LMBR1: variants seen among roughly 807,000 people sequenced by gnomAD.
LMBR1 encodes limb development membrane protein 1.
In LMBR1, 52 loss-of-function variants were observed where a neutral mutation model predicts 73.9. The ratio of observed to expected loss-of-function variants is 0.70; its 90% CI spans 0.56 to 0.89. The LOEUF (loss-of-function observed/expected upper bound fraction) is 0.89. LMBR1 is among the 40% of genes least tolerant of loss of function. The pLI is 0.00. For synonymous variants in LMBR1, 215 were observed against 209.4 expected, an observed-to-expected ratio of 1.03 and a Z score of -0.23; for missense variants, 539 against 579.8, an observed-to-expected ratio of 0.93 and a Z score of 0.72.
At chr7:156,709,731 C>T (rs543204322) in intron 15 of LMBR1, among the ~76,000 whole-genome samples, 1 of 152,124 alleles carries the variant, frequency 6.6e-6, no homozygotes, top group African/African-American at 2.4e-5. Context: ...TCCAGACCTT[C>T]CCAATGAACT....
rs571951797 is a variant in LMBR1, at chr7:156,805,481, G to T, written c.320-8989C>A. On this transcript the variant is annotated intron_variant, in intron 4 of 16. Transcript: ENST00000353442. ...TCTGCCTGCCTTGGCCTCCCAAAGC[G>T]CTGGGATTACAGGCATAAGCCACCG... 3.4e-4 allele frequency among the ~76,000 whole-genome samples: 52 copies of T among 152,226 alleles called. 1 individual carries two copies. The South Asian group carries it at 0.01, about 30-fold the overall frequency.
intron 5 of LMBR1, among the ~76,000 whole-genome samples, chr7:156,765,603 TC>T (rs1311319051): frequency 6.6e-6 from 1 of 152,184 alleles, no homozygotes; most frequent in Non-Finnish European, 1.5e-5. Context: ...TTCTTCCTCC[TC>T]CCCTCCTTTT....
At chr7:156,803,740 A>G (rs2133481080) in intron 4 of LMBR1, among the ~76,000 whole-genome samples, 1 of 152,118 alleles carries the variant, frequency 6.6e-6, no homozygotes, top group East Asian at 1.9e-4. Context: ...CTTGGAACCA[A>G]CCCAAATATC....
In LMBR1 at chr7:156,837,992, T is replaced by A. The variant is rs569465707; in HGVS notation, c.67-1107A>T. Among the ~76,000 whole-genome samples, 4 of 152,234 alleles carry A rather than the reference T, an allele frequency of 2.6e-5. No homozygotes were observed. The South Asian group carries it at 8.3e-4, about 32-fold the overall frequency. On this transcript the variant is annotated intron_variant, in intron 1 of 16. Coordinates refer to ENST00000353442, the MANE Select transcript of LMBR1 (RefSeq NM_022458.4). ...TGGCAAAGATGGGGTTTTACCATGTTGGCCAGGCTGGTCTCGAACTCCTGA... is the reference window on the plus strand; with the variant it reads ...TGGCAAAGATGGGGTTTTACCATGTAGGCCAGGCTGGTCTCGAACTCCTGA...
intron 15 of LMBR1, among the ~76,000 whole-genome samples, chr7:156,713,885 A>T (rs76270009): frequency 6.6e-6 from 1 of 152,120 alleles, no homozygotes; most frequent in Non-Finnish European, 1.5e-5. Context: ...TAGAAACTCT[A>T]TATTTTCTGT....
At chr7:156,869,080 TTC>T (rs1798896241) in intron 1 of LMBR1, among the ~76,000 whole-genome samples, 1 of 152,246 alleles carries the variant, frequency 6.6e-6, no homozygotes, top group Non-Finnish European at 1.5e-5. Context: ...TTACGTGGTG[TTC>T]TTTCTAAAAA....
chr7:156,852,506 CCT>C (rs1318755241), intron 1 of LMBR1, among the ~76,000 whole-genome samples: 5 of 152,158 alleles, frequency 3.3e-5, no homozygotes, highest in African/African-American at 1.2e-4. Flanking sequence ...CTTCTACACC[CCT>C]GACACAATAA....
At chr7:156,689,836 CTAATTA>C (rs1806788061) in intron 15 of LMBR1, among the ~76,000 whole-genome samples, 1 of 152,132 alleles carries the variant, frequency 6.6e-6, no homozygotes, top group Non-Finnish European at 1.5e-5. Context: ...GAATACATAT[CTAATTA>C]TAAGTTTTAT....
chr7:156,812,317 CAG>C (rs60561733), intron 4 of LMBR1, among the ~76,000 whole-genome samples: 105 of 148,858 alleles, frequency 7.1e-4, no homozygotes, highest in South Asian at 4.9e-3. Context: ...TTTAAACACA[CAG>C]AGAGAGAGAG....
intron 4 of LMBR1, among the ~76,000 whole-genome samples, chr7:156,806,004 A>G (rs1831993295): frequency 6.6e-6 from 1 of 152,178 alleles, no homozygotes; most frequent in African/African-American, 2.4e-5. Flanking sequence ...CCATGGTGGC[A>G]CCCTGATATG....
At chr7:156,871,274 G>C (rs1170212990) in intron 1 of LMBR1, among the ~76,000 whole-genome samples, 1 of 152,106 alleles carries the variant, frequency 6.6e-6, no homozygotes, top group African/African-American at 2.4e-5. Flanking sequence ...AAACCTATAA[G>C]AAGTATGCAG....
chr7:156,762,840 AGTGTGAGTGT>A (rs1823328597), intron 7 of LMBR1, among the ~76,000 whole-genome samples: 1 of 115,670 alleles, frequency 8.6e-6, no homozygotes, highest in African/African-American at 3.3e-5. Context: ...AAAGTGTGTG[AGTGTGAGTGT>A]GTGTGTGTGT....
chr7:156,787,503 T>C lies in LMBR1; in HGVS notation c.423+8886A>G, dbSNP rs191912578. ...AACTCATGAGGTGACAACAAACATA[T>C]ATAATCAGGCTCAAATAAAGCCTGA... is the stretch of plus-strand genomic sequence containing the variant. On this transcript the variant is annotated intron_variant, in intron 5 of 16. Coordinates refer to ENST00000353442, the MANE Select transcript of LMBR1 (RefSeq NM_022458.4). Among the ~76,000 whole-genome samples, 4 of 152,314 alleles carry C rather than the reference T, an allele frequency of 2.6e-5. No homozygotes were observed. The East Asian group carries it at 5.8e-4, about 22-fold the overall frequency.
chr7:156,757,598 A>G (rs980253718), intron 8 of LMBR1, among the ~76,000 whole-genome samples: 1 of 152,216 alleles, frequency 6.6e-6, no homozygotes, highest in African/African-American at 2.4e-5. Context: ...AATCTCAAAG[A>G]AGTCTAGAGC....
intron 15 of LMBR1, among the ~76,000 whole-genome samples, chr7:156,693,878 T>A (rs1045572811): frequency 5.9e-5 from 9 of 152,166 alleles, no homozygotes; most frequent in African/African-American, 2.2e-4. Flanking sequence ...TAAACACAGA[T>A]GCAAAACTCC....
chr7:156,754,373 T>C (rs764194987), intron 9 of LMBR1, among the ~76,000 whole-genome samples: 2 of 152,188 alleles, frequency 1.3e-5, no homozygotes, highest in Non-Finnish European at 2.9e-5. Context: ...AAAAAAATAC[T>C]GTTATTTCTA....
chr7:156,760,261 A>G lies in LMBR1; in HGVS notation c.684+1873T>C, dbSNP rs114816230. On this transcript the variant is annotated intron_variant, in intron 8 of 16. Coordinates refer to ENST00000353442, the MANE Select transcript of LMBR1 (RefSeq NM_022458.4). ...AAAAACTTGGGGTTCACTATATTTA[A>G]CATTAATAAGAGACAAGTTAAGGAG... Among the ~76,000 whole-genome samples, 1,038 of 151,524 alleles carry G rather than the reference A, an allele frequency of 6.9e-3. 12 individuals are homozygous for G. The highest frequency in any genetic ancestry group is 0.024 in the African/African-American group (970 of 40,782).
chr7:156,812,829 G>T (rs1234190948), intron 4 of LMBR1, among the ~76,000 whole-genome samples: 2 of 152,074 alleles, frequency 1.3e-5, no homozygotes, highest in Non-Finnish European at 2.9e-5. Flanking sequence ...GTACACTCTA[G>T]CCCCCTTGGT....
chr7:156,782,429 C>T (rs1827313509), intron 5 of LMBR1, among the ~76,000 whole-genome samples: 1 of 152,154 alleles, frequency 6.6e-6, no homozygotes, highest in Non-Finnish European at 1.5e-5. Flanking sequence ...TTTACCTTTC[C>T]ACCAACAATG....
Sources: gnomAD v4.1 joint callset for allele counts (sites outside exome capture counted in the v4.1 genomes callset) on GRCh38, gnomAD v4.1.1 for gene constraint, MANE v1.5 for transcripts, NCBI Gene and HGNC (gene_info 2026-07-23, HGNC 2026-07-21) for gene names.